The following ATXN10 variants were observed in gnomAD, a reference collection of about 807,000 sequenced individuals.
ATXN10 encodes ataxin-10.
ATXN10 carries 28 observed loss-of-function variants against 52.9 expected under a neutral mutation model. The ratio of observed to expected loss-of-function variants is 0.53; its 90% CI spans 0.39 to 0.73. The LOEUF (loss-of-function observed/expected upper bound fraction) is 0.73. ATXN10 is among the 30% of genes least tolerant of loss of function. The pLI is 0.00. For missense variants in ATXN10, 565 were observed against 577.0 expected, an observed-to-expected ratio of 0.98 and a Z score of 0.21; for synonymous variants, 226 against 221.5, an observed-to-expected ratio of 1.02 and a Z score of -0.18.
rs976121299 is a variant in ATXN10, at chr22:45,705,677, A to T, written c.647+2830A>T. On this transcript the variant is annotated intron_variant, in intron 5 of 11. Transcript: ENST00000252934. The surrounding 1 kb of genome is among the most constrained non-coding windows in gnomAD (Gnocchi z 5.2). ...TATTGAACTCCTAATCTCATGAGCCACCTGCCTCAGCCTCCCAAAGTGCTG... is the reference window on the plus strand; with the variant it reads ...TATTGAACTCCTAATCTCATGAGCCTCCTGCCTCAGCCTCCCAAAGTGCTG... 3.3e-5 allele frequency among the ~76,000 whole-genome samples: 5 copies of T among 152,040 alleles called. No homozygotes were observed. The highest frequency in any genetic ancestry group is 9.7e-5 in the African/African-American group (4 of 41,398).
In ATXN10 at chr22:45,684,404, A is replaced by G. The variant is rs112928285; in HGVS notation, c.117-5308A>G. On this transcript the variant is annotated intron_variant, in intron 1 of 11. Transcript: ENST00000252934. This position sits in a 1 kb window ranked among gnomAD's most constrained non-coding sequence, Gnocchi z 4.1. ...GGAGCCCTTTAAAGCAGGGGTTGCC[A>G]GACCATGGCCAGATCTGGCCTACTA... 9.7e-3 allele frequency among the ~76,000 whole-genome samples: 1,472 copies of G among 152,294 alleles called. 11 individuals are homozygous for G. Among genetic ancestry groups the G allele is most frequent in the East Asian group, 0.039 (200 of 5,180 alleles).
In ATXN10 at chr22:45,795,290, A is replaced by G. The variant is rs1326756489; in HGVS notation, c.1174-11669A>G. On this transcript the variant is annotated intron_variant, in intron 9 of 11. Transcript: ENST00000252934. This position sits in a 1 kb window ranked among gnomAD's most constrained non-coding sequence, Gnocchi z 4.6. ...AACAGATGGCAGAATGATAAACTCA[A>G]TCATGTTGATAAATATATTAAATGT... is the stretch of plus-strand genomic sequence containing the variant. 1.3e-5 allele frequency among the ~76,000 whole-genome samples: 2 copies of G among 152,232 alleles called. No homozygotes were observed. Among genetic ancestry groups the G allele is most frequent in the African/African-American group, 2.4e-5 (1 of 41,454 alleles).
chr22:45,766,971 T>C lies in ATXN10; in HGVS notation c.1173+26433T>C, dbSNP rs1057111870. Among the ~76,000 whole-genome samples the C allele has an allele frequency of 6.6e-6, 1 of 152,246 alleles. No individual in the cohort carries two copies. Among genetic ancestry groups the C allele is most frequent in the Non-Finnish European group, 1.5e-5 (1 of 68,046 alleles). On this transcript the variant is annotated intron_variant, in intron 9 of 11. Coordinates refer to ENST00000252934, the MANE Select transcript of ATXN10 (RefSeq NM_013236.4). This position sits in a 1 kb window ranked among gnomAD's most constrained non-coding sequence, Gnocchi z 4.6. ...GATACCATTTTTCACCTGTGTGATA[T>C]CAAATGTAGTTGGCAAGACCATAGG... is the stretch of plus-strand genomic sequence containing the variant.
chr22:45,834,533 T>C (rs1383513244), intron 10 of ATXN10, among the ~76,000 whole-genome samples: 1 of 152,202 alleles, frequency 6.6e-6, no homozygotes, highest in Non-Finnish European at 1.5e-5. Flanking sequence ...CCCACAACTG[T>C]CTCCTGCAGC....
rs565520916 is a variant in ATXN10 at position 45,835,818 on chromosome 22, A to G, written c.1238-7173A>G. Reference sequence around the variant, plus strand: ...TAACCTATAATTTCCAAATCTGACAATTATTTCTCTGCCTTCTTTTAGTAT... The same window carrying G: ...TAACCTATAATTTCCAAATCTGACAGTTATTTCTCTGCCTTCTTTTAGTAT... On this transcript the variant is annotated intron_variant, in intron 10 of 11. Coordinates refer to ENST00000252934, the MANE Select transcript of ATXN10 (RefSeq NM_013236.4). The surrounding 1 kb of genome is among the most constrained non-coding windows in gnomAD (Gnocchi z 5.0). Among the ~76,000 whole-genome samples the G allele has an allele frequency of 2.0e-5, 3 of 152,298 alleles. No homozygotes were observed. Among genetic ancestry groups the G allele is most frequent in the African/African-American group, 4.8e-5 (2 of 41,564 alleles).
Position 45,688,426 on chromosome 22 carries a change from G to T in ATXN10, c.117-1286G>T, listed in dbSNP as rs1923232019. 6.6e-6 allele frequency among the ~76,000 whole-genome samples: 1 copy of T among 152,218 alleles called. No homozygotes were observed. The highest frequency in any genetic ancestry group is 1.5e-5 in the Non-Finnish European group (1 of 68,036). Reference sequence around the variant, plus strand: ...CCAGATAGAAAAAGTAAGGATTCATGTTGTTTGGGTCATAAATTTGACTCC... The same window carrying T: ...CCAGATAGAAAAAGTAAGGATTCATTTTGTTTGGGTCATAAATTTGACTCC... On this transcript the variant is annotated intron_variant, in intron 1 of 11. Transcript: ENST00000252934. The surrounding 1 kb of genome is among the most constrained non-coding windows in gnomAD (Gnocchi z 4.0).
rs1035954308 is a variant in ATXN10, at chr22:45,683,089, C to A, written c.117-6623C>A. Among the ~76,000 whole-genome samples, 3 of 152,190 alleles carry A rather than the reference C, an allele frequency of 2.0e-5. No individual in the cohort carries two copies. The highest frequency in any genetic ancestry group is 7.2e-5 in the African/African-American group (3 of 41,454). On this transcript the variant is annotated intron_variant, in intron 1 of 11. Transcript: ENST00000252934. This position sits in a 1 kb window ranked among gnomAD's most constrained non-coding sequence, Gnocchi z 4.8. The stretch of plus-strand genomic sequence containing the variant: ...ATCCCAGCACTTTGGGAGGCCAAGG[C>A]AGGTGGATCACCTGAGGCCAGGAGT...
intron 9 of ATXN10, chr22:45,793,590 A>G: frequency 1.5e-6 from 2 of 1,316,014 alleles, no homozygotes; most frequent in Non-Finnish European, 2.0e-6. Flanking sequence ...TGGAGCCTGC[A>G]CCTTCATTTT....
chr22:45,725,574 T>C lies in ATXN10; in HGVS notation c.729-3851T>C, dbSNP rs188231749. ...TCTAGGAGTCTTTCGGTAAAGTCTT[T>C]AGGGTTTTCTAGGTATATGATCGTA... is the stretch of plus-strand genomic sequence containing the variant. On this transcript the variant is annotated intron_variant, in intron 6 of 11. Coordinates refer to ENST00000252934, the MANE Select transcript of ATXN10 (RefSeq NM_013236.4). 1.4e-4 allele frequency among the ~76,000 whole-genome samples: 22 copies of C among 152,268 alleles called. No homozygotes were observed. The East Asian group carries it at 1.9e-3, about 13-fold the overall frequency.
In ATXN10 at chr22:45,696,238, TAGC is replaced by T. The variant is rs1428852471; in HGVS notation, c.391+3163_391+3165del. 6.6e-6 allele frequency among the ~76,000 whole-genome samples: 1 copy of T among 152,182 alleles called. No homozygotes were observed. Among genetic ancestry groups the T allele is most frequent in the Non-Finnish European group, 1.5e-5 (1 of 68,042 alleles). ...TACTCAAAATTGGGGAATTATAAAT[TAGC>T]AGTAAAGTCCGTGTTTCACAGTGTC... On this transcript the variant is annotated intron_variant, in intron 3 of 11. Transcript: ENST00000252934. This position sits in a 1 kb window ranked among gnomAD's most constrained non-coding sequence, Gnocchi z 4.7.
At chr22:45,693,305 T>A (rs536866814) in intron 3 of ATXN10, among the ~76,000 whole-genome samples, 4 of 152,326 alleles carry the variant, frequency 2.6e-5, no homozygotes, top group South Asian at 4.1e-4. Context: ...CTGTTCCAGT[T>A]GCTATAACAA....
In ATXN10 at chr22:45,786,489, G is replaced by A. The variant is rs1927327651; in HGVS notation, c.1174-20470G>A. On this transcript the variant is annotated intron_variant, in intron 9 of 11. Transcript: ENST00000252934. The surrounding 1 kb of genome is among the most constrained non-coding windows in gnomAD (Gnocchi z 4.1). ...GCAGTCCTTGTGTGCGAAGCTGGGC[G>A]CCAGTGCAGCCCGCACTTTATCACC... Among the ~76,000 whole-genome samples, 1 of 152,170 alleles carries A rather than the reference G, an allele frequency of 6.6e-6. No homozygotes were observed.
Position 45,826,072 on chromosome 22 carries a change from C to T in ATXN10, c.1238-16919C>T, listed in dbSNP as rs1296680829. Among the ~76,000 whole-genome samples the T allele has an allele frequency of 6.6e-6, 1 of 151,828 alleles. No individual in the cohort carries two copies. ...GCCAGGCCCTGTCTCTAAATCAAAA[C>T]AAAACAAAAAGCCCAATATGGACAA... On this transcript the variant is annotated intron_variant, in intron 10 of 11. Transcript: ENST00000252934. This position sits in a 1 kb window ranked among gnomAD's most constrained non-coding sequence, Gnocchi z 5.0.
At chr22:45,699,820 A>G (rs548457874) in intron 3 of ATXN10, among the ~76,000 whole-genome samples, 1 of 148,974 alleles carries the variant, frequency 6.7e-6, no homozygotes. Flanking sequence ...TTGTATGTAG[A>G]GTATATTGTT....
intron 9 of ATXN10, among the ~76,000 whole-genome samples, chr22:45,758,602 C>T (rs1926261578): frequency 6.6e-6 from 1 of 152,224 alleles, no homozygotes; most frequent in African/African-American, 2.4e-5. Context: ...GTTTCATGCT[C>T]TGACAGCTAT....
chr22:45,741,717 G>C (rs1290522553), intron 9 of ATXN10, among the ~76,000 whole-genome samples: 1 of 152,142 alleles, frequency 6.6e-6, no homozygotes, highest in Non-Finnish European at 1.5e-5. Flanking sequence ...TATAGGTCCT[G>C]CTTCAGTTAG....
chr22:45,692,509 A>G (rs1032608714), intron 2 of ATXN10, among the ~76,000 whole-genome samples: 22 of 152,358 alleles, frequency 1.4e-4, no homozygotes, highest in African/African-American at 5.0e-4. Context: ...AAATACTACA[A>G]AGATTCTAGT....
chr22:45,697,982 C>T (rs1277412889), intron 3 of ATXN10, among the ~76,000 whole-genome samples: 2 of 152,154 alleles, frequency 1.3e-5, no homozygotes. Context: ...ATCATTACTT[C>T]GTTCCTCTTT....
chr22:45,820,086 A>G lies in ATXN10; in HGVS notation c.1237+13064A>G, dbSNP rs1928598633. On this transcript the variant is annotated intron_variant, in intron 10 of 11. Transcript: ENST00000252934. The surrounding 1 kb of genome is among the most constrained non-coding windows in gnomAD (Gnocchi z 4.9). ...TTATTTTGAGATGATCATTTCTATC[A>G]GGATCAGGAAGTGTTCTATTCTCTG... Among the ~76,000 whole-genome samples, 1 of 152,232 alleles carries G rather than the reference A, an allele frequency of 6.6e-6. No homozygotes were observed. The highest frequency in any genetic ancestry group is 2.4e-5 in the African/African-American group (1 of 41,450).
Sources: gnomAD v4.1 joint callset for allele counts (sites outside exome capture counted in the v4.1 genomes callset) on GRCh38, gnomAD v4.1.1 for gene constraint, Gnocchi (gnomAD v3.1) non-coding constraint, MANE v1.5 for transcripts, NCBI Gene and HGNC (gene_info 2026-07-23, HGNC 2026-07-21) for gene names.